CTNND2: variants seen among roughly 807,000 people sequenced by gnomAD.
CTNND2 encodes the protein catenin delta 2.
Under a neutral mutation model 144.4 loss-of-function variants are expected in CTNND2, and 22 were observed. The observed-to-expected ratio is 0.15, with a 90% CI of 0.11 to 0.22. The LOEUF (loss-of-function observed/expected upper bound fraction) is 0.22, where lower values mean the gene tolerates loss of function less well. Among genes scored for constraint, CTNND2 ranks in the 10% least tolerant of loss-of-function variants. CTNND2 has a pLI of 1.00. For missense variants in CTNND2, 1,353 were observed against 1,618.8 expected (o/e 0.84, Z 2.82); for synonymous variants, 751 against 695.6 (o/e 1.08, Z -1.25).
intron 11 of CTNND2, among the ~76,000 whole-genome samples, chr5:11,177,615 A>C (rs1760607091): frequency 6.6e-6 from 1 of 152,154 alleles, no homozygotes; most frequent in African/African-American, 2.4e-5. Context: ...AAATATTTAA[A>C]GGAAGTGAAA....
chr5:11,001,567 C>T (rs1489016388), intron 18 of CTNND2, among the ~76,000 whole-genome samples: 1 of 152,100 alleles, frequency 6.6e-6, no homozygotes, highest in Non-Finnish European at 1.5e-5. Context: ...ATCAATTTCA[C>T]AGGTTTTATA....
rs376732931 is a variant in CTNND2, at chr5:11,476,034, A to ATT, written c.288-63967_288-63966dup. ...ACCACCATGCCCGGCTAATTTTTCT[A>ATT]TTTTTTTTTTTTTTTTTGTAGAGAT... On this transcript the variant is annotated intron_variant, in intron 3 of 21. Coordinates refer to ENST00000304623, the MANE Select transcript of CTNND2 (RefSeq NM_001332.4). Among the ~76,000 whole-genome samples the ATT allele has an allele frequency of 2.1e-3, 275 of 132,320 alleles. 1 individual carries two copies. Among genetic ancestry groups the ATT allele is most frequent in the Middle Eastern group, 7.6e-3 (2 of 264 alleles). 86.8% of individuals were successfully genotyped at this position (132,320 alleles called of 152,430 possible).
At chr5:11,389,986 C>G (rs917320751) in intron 6 of CTNND2, among the ~76,000 whole-genome samples, 7 of 152,154 alleles carry the variant, frequency 4.6e-5, no homozygotes, top group African/African-American at 1.7e-4. Context: ...CCCAAGAAAT[C>G]TCATTATGGA....
At chr5:11,647,186 A>G (rs1782399396) in intron 2 of CTNND2, among the ~76,000 whole-genome samples, 5 of 151,524 alleles carry the variant, frequency 3.3e-5, no homozygotes, top group African/African-American at 9.7e-5. Context: ...GTATTTAAAA[A>G]CTCAGCCAGC....
At chr5:11,176,234 T>C (rs767445216) in intron 11 of CTNND2, among the ~76,000 whole-genome samples, 1 of 152,184 alleles carries the variant, frequency 6.6e-6, no homozygotes, top group Non-Finnish European at 1.5e-5. Flanking sequence ...TGGTATCATT[T>C]AATTCATTTG....
intron 16 of CTNND2, among the ~76,000 whole-genome samples, chr5:11,071,479 G>A (rs1748290778): frequency 6.6e-6 from 1 of 152,120 alleles, no homozygotes; most frequent in South Asian, 2.1e-4. Flanking sequence ...GGCTGAGGTT[G>A]TAGTGAGCTG....
intron 3 of CTNND2, among the ~76,000 whole-genome samples, chr5:11,473,950 T>A (rs1767476771): frequency 6.6e-6 from 1 of 152,258 alleles, no homozygotes; most frequent in African/African-American, 2.4e-5. Flanking sequence ...AGCTTCCGCA[T>A]CATCTTGTGA....
At chr5:11,005,177 T>C (rs1424425317) in intron 18 of CTNND2, among the ~76,000 whole-genome samples, 2 of 152,154 alleles carry the variant, frequency 1.3e-5, no homozygotes, top group Non-Finnish European at 2.9e-5. Context: ...GGGGGAGGAA[T>C]TGACCTGTGC....
At chr5:11,431,274 A>G (rs74905778) in intron 3 of CTNND2, among the ~76,000 whole-genome samples, 4,177 of 152,268 alleles carry the variant, frequency 0.027, 193 homozygotes, top group African/African-American at 0.094. Context: ...AAGTCCATAG[A>G]GGTCAGGAAA....
At chr5:11,271,800 G>A (rs1384394444) in intron 9 of CTNND2, among the ~76,000 whole-genome samples, 2 of 152,136 alleles carry the variant, frequency 1.3e-5, no homozygotes, top group African/African-American at 4.8e-5. Flanking sequence ...GTTGAAATGG[G>A]GATGTCTGGG....
chr5:11,393,758 T>C (rs1373572553), intron 6 of CTNND2, among the ~76,000 whole-genome samples: 2 of 152,144 alleles, frequency 1.3e-5, no homozygotes, highest in African/African-American at 4.8e-5. Flanking sequence ...GGCAATCTAA[T>C]AGGAAGAAAC....
intron 15 of CTNND2, among the ~76,000 whole-genome samples, chr5:11,096,981 G>A (rs867810719): frequency 2.0e-5 from 3 of 152,166 alleles, no homozygotes; most frequent in African/African-American, 7.2e-5. Context: ...TCATGAGCAC[G>A]TGAGTGGTCA....
rs142736336 is a variant in CTNND2 at position 11,082,967 on chromosome 5, A to G, written c.2638-121T>C. On this transcript the variant is annotated intron_variant, in intron 15 of 21. Transcript: ENST00000304623. Reference sequence around the variant, plus strand: ...CAAAAAGGTTGAATTACCAAGACCTAGTTGTAGAATGGGTTGAATACGTTA... The same window carrying G: ...CAAAAAGGTTGAATTACCAAGACCTGGTTGTAGAATGGGTTGAATACGTTA... 12 of 1,125,142 alleles carry G rather than the reference A, an allele frequency of 1.1e-5. No individual in the cohort carries two copies. The East Asian group carries it at 3.1e-4, about 29-fold the overall frequency. 69.7% of individuals were successfully genotyped at this position (1,125,142 alleles called of 1,614,324 possible).
At chr5:11,236,312 T>G (rs1741631304) in intron 10 of CTNND2, among the ~76,000 whole-genome samples, 1 of 152,342 alleles carries the variant, frequency 6.6e-6, no homozygotes, top group East Asian at 1.9e-4. Context: ...CTATAACAAT[T>G]TTATTGTAAT....
chr5:11,351,422 G>A (rs537576453), intron 8 of CTNND2, among the ~76,000 whole-genome samples: 3 of 152,270 alleles, frequency 2.0e-5, no homozygotes, highest in East Asian at 1.9e-4. Context: ...AGCAGCTGAC[G>A]TGATACTTCA....
At chr5:11,709,832 T>C (rs1444252604) in intron 2 of CTNND2, among the ~76,000 whole-genome samples, 1 of 152,196 alleles carries the variant, frequency 6.6e-6, no homozygotes, top group South Asian at 2.1e-4. Context: ...AATTATCGTA[T>C]AGTGAAATTG....
At chr5:11,583,533 G>A (rs532974040) in intron 2 of CTNND2, among the ~76,000 whole-genome samples, 1 of 152,192 alleles carries the variant, frequency 6.6e-6, no homozygotes, top group Admixed American at 6.5e-5. Flanking sequence ...ACCATGTAAT[G>A]GAATAATTAC....
intron 3 of CTNND2, among the ~76,000 whole-genome samples, chr5:11,442,406 A>G (rs1324992696): frequency 6.6e-6 from 1 of 152,216 alleles, no homozygotes; most frequent in African/African-American, 2.4e-5. Flanking sequence ...TATTATGAAA[A>G]TACAACTAAC....
intron 5 of CTNND2, among the ~76,000 whole-genome samples, chr5:11,407,617 T>G (rs1438533295): frequency 1.3e-5 from 2 of 152,180 alleles, no homozygotes. Context: ...ATTTTAGAAC[T>G]TTTCCAGACT....
Sources: allele counts gnomAD v4.1 joint callset (sites outside exome capture counted in the v4.1 genomes callset), GRCh38; gene constraint gnomAD v4.1.1; transcripts MANE v1.5; gene names NCBI Gene and HGNC (gene_info 2026-07-23, HGNC 2026-07-21).